Variants in TIPRL observed in about 807,000 individuals in gnomAD.
TIPRL encodes TOR signaling pathway regulator, also known as TIP41-like protein.
In TIPRL, 10 loss-of-function variants were observed where a neutral mutation model predicts 32.3. That is an observed-to-expected ratio of 0.31 (90% CI 0.19 to 0.52). TIPRL has a LOEUF of 0.52. TIPRL is among the 20% of genes least tolerant of loss of function. The pLI is 0.96. For synonymous variants in TIPRL, 100 were observed against 114.0 expected, an observed-to-expected ratio of 0.88 and a Z score of 0.78; for missense variants, 250 against 328.1, an observed-to-expected ratio of 0.76 and a Z score of 1.84.
At chr1:168,184,711 G>T in intron 2 of TIPRL, 68 bp from the exon 3 acceptor site, 1 of 915,428 alleles carries the variant, frequency 1.1e-6, no homozygotes, top group South Asian at 1.5e-5. Context: ...AATTTGATGT[G>T]ATATATAAAT....
chr1:168,187,097 G>A (rs1215676723), intron 3 of TIPRL, among the ~76,000 whole-genome samples: 1 of 152,194 alleles, frequency 6.6e-6, no homozygotes, highest in Non-Finnish European at 1.5e-5. Flanking sequence ...AGGCACTAAT[G>A]CTAGGAGCCT....
At chr1:168,192,427 C>T (rs1446558998) in intron 4 of TIPRL, 3 of 1,000,038 alleles carry the variant, frequency 3.0e-6, no homozygotes, top group African/African-American at 3.5e-5. Context: ...TATTTCTTTA[C>T]CACTGCATTA....
intron 1 of TIPRL, among the ~76,000 whole-genome samples, chr1:168,182,668 A>G (rs972927820): frequency 6.6e-6 from 1 of 152,216 alleles, no homozygotes; most frequent in African/African-American, 2.4e-5. Flanking sequence ...AAGAAACTCT[A>G]TATTTAGAAC....
At chr1:168,185,773 A>C in intron 3 of TIPRL, among the ~76,000 whole-genome samples, 1 of 141,282 alleles carries the variant, frequency 7.1e-6, no homozygotes, top group East Asian at 2.2e-4. Flanking sequence ...CTGTCTCAAA[A>C]AAAAAAAAAA....
intron 2 of TIPRL, 37 bp from the exon 3 acceptor site, chr1:168,184,742 A>G (rs2102306591): frequency 6.2e-6 from 8 of 1,283,820 alleles, no homozygotes; most frequent in East Asian, 2.3e-5. Flanking sequence ...TCTATTCTGC[A>G]TCACTGAATC....
chr1:168,200,214 G>A lies in TIPRL; in HGVS notation c.*168G>A, dbSNP rs2072776. The A allele has an allele frequency of 0.41, 253,239 of 613,006 alleles. 59,428 individuals carry two copies. Among genetic ancestry groups the A allele is most frequent in the African/African-American group, 0.83 (44,254 of 53,354 alleles). The allele number at this position is 613,006 out of a possible 1,614,324, so 38.0% of individuals were successfully genotyped here. A position where few individuals can be genotyped will look rare whatever the true frequency, so the allele number is the denominator to read the frequency against. On this transcript the variant is annotated 3_prime_UTR_variant, in exon 7 of 7. Transcript: ENST00000367833. Reference sequence around the variant, plus strand: ...TACAGGCAGGTTTCACTCAACTGCTGTTTGTACTGTCTGTCTTCACATTCA... The same window carrying A: ...TACAGGCAGGTTTCACTCAACTGCTATTTGTACTGTCTGTCTTCACATTCA...
intron 3 of TIPRL, among the ~76,000 whole-genome samples, chr1:168,190,486 C>T (rs1454244854): frequency 6.6e-6 from 1 of 152,182 alleles, no homozygotes; most frequent in Non-Finnish European, 1.5e-5. Context: ...TCTCAAATTA[C>T]TCTCCATCTG....
intron 6 of TIPRL, among the ~76,000 whole-genome samples, chr1:168,199,287 CT>C (rs998990334): frequency 3.9e-5 from 6 of 152,098 alleles, no homozygotes; most frequent in African/African-American, 1.4e-4. Flanking sequence ...GATGGATGTT[CT>C]TTACACTTAC....
In TIPRL at chr1:168,184,070, G is replaced by C. The variant is rs1699999197; in HGVS notation, c.273G>C (p.Trp91Cys). 2 of 1,604,932 alleles carry C rather than the reference G, an allele frequency of 1.2e-6. No homozygotes were observed. Among genetic ancestry groups the C allele is most frequent in the South Asian group, 2.2e-5 (2 of 90,252 alleles). Reference protein sequence around the residue: ...GMLKVACAEEWQESRTEGEHS... With the variant: ...GMLKVACAEECQESRTEGEHS... ...TTAAAGTGGCCTGTGCTGAAGAGTG[G>C]CAAGAAAGCAGGTGAGAATCCGGTC... The change falls in exon 2 of 7, where the codon TGG (tryptophan) becomes TGC (cysteine). Residue 91 changes from tryptophan to cysteine, a missense_variant. Physicochemically the swap from Trp to Cys is radical, Grantham distance 215. Coordinates refer to ENST00000367833, the MANE Select transcript of TIPRL (RefSeq NM_152902.5).
rs759670703 is a variant in TIPRL, at chr1:168,200,055, A to G, written c.*9A>G. 1 of 1,612,068 alleles carries G rather than the reference A, an allele frequency of 6.2e-7. No individual in the cohort carries two copies. The highest frequency in any genetic ancestry group is 8.5e-7 in the Non-Finnish European group (1 of 1,179,318). On this transcript the variant is annotated 3_prime_UTR_variant, in exon 7 of 7. Transcript: ENST00000367833. Reference sequence around the variant, plus strand: ...GTACACAAGTGGAATAAAATGTGATACAACATATACTCACTATGGAATCTG... The same window carrying G: ...GTACACAAGTGGAATAAAATGTGATGCAACATATACTCACTATGGAATCTG...
chr1:168,194,226 G>A (rs996674883), intron 4 of TIPRL, among the ~76,000 whole-genome samples: 1 of 152,168 alleles, frequency 6.6e-6, no homozygotes. Flanking sequence ...GATACTGCAA[G>A]TTTTGTGGAA....
rs1491034674 is a variant in TIPRL at position 168,201,775 on chromosome 1, G to GTA, written c.*1730_*1731insAT. On this transcript the variant is annotated 3_prime_UTR_variant, in exon 7 of 7. Coordinates refer to ENST00000367833, the MANE Select transcript of TIPRL (RefSeq NM_152902.5). ...TTGGAGCTTCTGGGCAACATCGTGTGTGTGTGTGTGTGTGTGTGTGTGTGT... is the reference window on the plus strand; with the variant it reads ...TTGGAGCTTCTGGGCAACATCGTGTGTATGTGTGTGTGTGTGTGTGTGTGTGT... The GTA allele has an allele frequency of 3.1e-5, 3 of 96,746 alleles. No individual in the cohort carries two copies. The allele number at this position is 96,746 out of a possible 1,614,324, so 6.0% of individuals were successfully genotyped here. A position where few individuals can be genotyped will look rare whatever the true frequency, so the allele number is the denominator to read the frequency against.
chr1:168,192,361 A>AAAAAT lies in TIPRL; in HGVS notation c.516+876_516+880dup, dbSNP rs533336656. Reference sequence around the variant, plus strand: ...AGAGCAAGACTCCGTCTCAAAAAAAAAAAATAAAATAAAATAAAAGAAGTA... The same window carrying AAAAAT: ...AGAGCAAGACTCCGTCTCAAAAAAAAAAAATAAAATAAAATAAAATAAAAGAAGTA... On this transcript the variant is annotated intron_variant, in intron 4 of 6. Transcript: ENST00000367833. 2.1e-5 allele frequency: 21 copies of AAAAAT among 1,015,324 alleles called. No homozygotes were observed. The East Asian group carries it at 9.9e-4, about 48-fold the overall frequency. 62.9% of individuals were successfully genotyped at this position (1,015,324 alleles called of 1,614,324 possible).
intron 4 of TIPRL, among the ~76,000 whole-genome samples, chr1:168,194,143 A>G (rs6694618): frequency 0.012 from 1,888 of 152,120 alleles, 35 homozygotes; most frequent in African/African-American, 0.042. Context: ...TTTATTATCT[A>G]TGTAAAATGG....
At chr1:168,191,824 A>ATCACGCCACTT (rs1182518467) in intron 4 of TIPRL, among the ~76,000 whole-genome samples, 4 of 147,198 alleles carry the variant, frequency 2.7e-5, no homozygotes, top group Non-Finnish European at 6.0e-5. Flanking sequence ...GTGAGCCAGG[A>ATCACGCCACTT]TCACGCCACT....
intron 1 of TIPRL, 111 bp from the exon 2 acceptor site, chr1:168,183,789 CAT>C (rs1190491578): frequency 1.1e-5 from 12 of 1,072,054 alleles, no homozygotes; most frequent in Non-Finnish European, 1.6e-5. Flanking sequence ...TTGATTAAAT[CAT>C]GTGCTGTGTA....
At position 168,178,976 on chromosome 1, in the gene TIPRL, G is replaced by A; in HGVS notation, c.-102G>A. On this transcript the variant is annotated 5_prime_UTR_variant, in exon 1 of 7. Transcript: ENST00000367833. Reference sequence around the variant, plus strand: ...CGGGGCCGGGCATGGTAACGGCTCGGAAGCCTAGGAGGCTGGGCCGGAGGG... The same window carrying A: ...CGGGGCCGGGCATGGTAACGGCTCGAAAGCCTAGGAGGCTGGGCCGGAGGG... The A allele has an allele frequency of 9.4e-7, 1 of 1,058,560 alleles. No individual in the cohort carries two copies. The highest frequency in any genetic ancestry group is 1.3e-6 in the Non-Finnish European group (1 of 743,178). The allele number at this position is 1,058,560 out of a possible 1,614,324, so 65.6% of individuals were successfully genotyped here.
intron 6 of TIPRL, among the ~76,000 whole-genome samples, chr1:168,199,595 A>G (rs1227273071): frequency 6.6e-6 from 1 of 152,192 alleles, no homozygotes; most frequent in African/African-American, 2.4e-5. Context: ...GCTGTGCTCT[A>G]ACCGAAGACT....
rs938708998 is a variant in TIPRL, at chr1:168,187,745, G to C, written c.384+2867G>C. 5.3e-5 allele frequency among the ~76,000 whole-genome samples: 8 copies of C among 152,214 alleles called. No homozygotes were observed. In the South Asian group the frequency reaches 8.3e-4, roughly 16 times the overall value. ...TAGTCCCAGCACTTTGGGAGGCTGA[G>C]ATGGATCACTTGAGCTCAGGAGTTC... On this transcript the variant is annotated intron_variant, in intron 3 of 6. Coordinates refer to ENST00000367833, the MANE Select transcript of TIPRL (RefSeq NM_152902.5).
Sources: gnomAD v4.1 joint callset for allele counts (sites outside exome capture counted in the v4.1 genomes callset) on GRCh38, gnomAD v4.1.1 for gene constraint, MANE v1.5 for transcripts, NCBI Gene and HGNC (gene_info 2026-07-23, HGNC 2026-07-21) for gene names.